The following RABGAP1L variants were observed in gnomAD, a reference collection of about 807,000 sequenced individuals.
The protein encoded by RABGAP1L is rab GTPase-activating protein 1-like.
A neutral mutation model predicts 137.7 loss-of-function variants in RABGAP1L; 63 were observed. That is an observed-to-expected ratio of 0.46 (90% CI 0.37 to 0.56). The LOEUF (loss-of-function observed/expected upper bound fraction) is 0.56, where lower values mean the gene tolerates loss of function less well. Ranked by LOEUF, RABGAP1L falls within the 20% of genes least tolerant of loss-of-function variation. The pLI is 0.00. For synonymous variants in RABGAP1L, 431 were observed against 433.7 expected (o/e 0.99, Z 0.08); for missense variants, 1,095 against 1,244.0 (o/e 0.88, Z 1.80).
chr1:174,890,576 G>T (rs1655959655), intron 19 of RABGAP1L, among the ~76,000 whole-genome samples: 1 of 152,144 alleles, frequency 6.6e-6, no homozygotes, highest in Non-Finnish European at 1.5e-5. Flanking sequence ...CACAGTATCA[G>T]AATTTCAACA....
At chr1:174,588,533 AATAG>A (rs1669303337) in intron 13 of RABGAP1L, among the ~76,000 whole-genome samples, 1 of 152,146 alleles carries the variant, frequency 6.6e-6, no homozygotes, top group Non-Finnish European at 1.5e-5. Context: ...CCTGTCAAAT[AATAG>A]ATCTTATTCA....
chr1:174,522,899 T>TTCCATCACCTCCCAC (rs1238393608), intron 13 of RABGAP1L, among the ~76,000 whole-genome samples: 19 of 152,204 alleles, frequency 1.2e-4, no homozygotes, highest in African/African-American at 3.9e-4. Flanking sequence ...TCTGCTCCCA[T>TTCCATCACCTCCCAC]GATTCCATCA....
chr1:174,515,876 T>C (rs1662778775), intron 13 of RABGAP1L, among the ~76,000 whole-genome samples: 1 of 143,842 alleles, frequency 7.0e-6, no homozygotes, highest in South Asian at 2.1e-4. Flanking sequence ...GAATGAGCAC[T>C]CTATCTTAAG....
chr1:174,307,391 C>A (rs1021028488), intron 11 of RABGAP1L, among the ~76,000 whole-genome samples: 1 of 152,130 alleles, frequency 6.6e-6, no homozygotes, highest in Non-Finnish European at 1.5e-5. Context: ...ACCATCACCT[C>A]TATCTAGTTC....
chr1:174,666,747 T>A (rs1676813651), intron 14 of RABGAP1L, among the ~76,000 whole-genome samples: 1 of 152,184 alleles, frequency 6.6e-6, no homozygotes, highest in South Asian at 2.1e-4. Context: ...TACCATCCTG[T>A]ATTTCTTATA....
At chr1:174,654,375 A>C (rs1675803402) in intron 14 of RABGAP1L, among the ~76,000 whole-genome samples, 1 of 152,198 alleles carries the variant, frequency 6.6e-6, no homozygotes, top group African/African-American at 2.4e-5. Context: ...TGAAAATTTA[A>C]TGCATATAAA....
chr1:174,255,559 C>T (rs1673054349), intron 7 of RABGAP1L, among the ~76,000 whole-genome samples: 1 of 152,212 alleles, frequency 6.6e-6, no homozygotes, highest in African/African-American at 2.4e-5. Flanking sequence ...AAGTCTCGCT[C>T]TGTCAGCCAG....
At chr1:174,833,422 GTA>G (rs1491011651) in intron 19 of RABGAP1L, among the ~76,000 whole-genome samples, 26 of 81,524 alleles carry the variant, frequency 3.2e-4, no homozygotes, top group Admixed American at 1.7e-3. Context: ...GTGTGTGTGT[GTA>G]TATATATATG....
intron 13 of RABGAP1L, among the ~76,000 whole-genome samples, chr1:174,599,175 C>G (rs1670227847): frequency 6.6e-6 from 1 of 152,210 alleles, no homozygotes; most frequent in South Asian, 2.1e-4. Flanking sequence ...CTAATGACAA[C>G]TTAACACTGC....
At chr1:174,272,334 T>C (rs1204411331) in intron 7 of RABGAP1L, 80 bp from the exon 8 acceptor site, 2 of 1,442,886 alleles carry the variant, frequency 1.4e-6, no homozygotes, top group African/African-American at 3.0e-5. Context: ...GTATAGTTAT[T>C]GTAAAAAGGC....
At chr1:174,425,612 T>C (rs10753085) in intron 13 of RABGAP1L, among the ~76,000 whole-genome samples, 147,619 of 152,150 alleles carry the variant, frequency 0.97, 71,660 homozygotes, top group East Asian at 1. Context: ...TTTTATAAAA[T>C]CGGATAAGTA....
rs547680722 is a variant in RABGAP1L, at chr1:174,877,301, A to C, written c.2340+65341A>C. The C allele has an allele frequency of 1.5e-5, 16 of 1,041,676 alleles. 1 individual carries two copies. In the South Asian group the frequency reaches 1.8e-4, roughly 12 times the overall value. The allele number at this position is 1,041,676 out of a possible 1,614,324, so 64.5% of individuals were successfully genotyped here. A position where few individuals can be genotyped will look rare whatever the true frequency, so the allele number is the denominator to read the frequency against. ...TCTTTTAGTTTCCTACTGGGGGTGA[A>C]TTGCTAGCCAAGCCTGTGATAGCAG... On this transcript the variant is annotated intron_variant, in intron 19 of 25. Transcript: ENST00000681986.
intron 13 of RABGAP1L, among the ~76,000 whole-genome samples, chr1:174,555,611 C>A (rs890470463): frequency 6.6e-6 from 1 of 151,808 alleles, no homozygotes; most frequent in Admixed American, 6.6e-5. Context: ...CATAGAAAGA[C>A]TAATAATTCA....
At chr1:174,849,694 G>T (rs1425146564) in intron 19 of RABGAP1L, 6 of 436,022 alleles carry the variant, frequency 1.4e-5, no homozygotes, top group Non-Finnish European at 2.7e-5. Context: ...TTGCTTTCTT[G>T]TCTTCAGGAG....
chr1:174,925,071 A>G (rs1328103506), intron 19 of RABGAP1L, among the ~76,000 whole-genome samples: 1 of 152,072 alleles, frequency 6.6e-6, no homozygotes, highest in Non-Finnish European at 1.5e-5. Flanking sequence ...CAAAAGAGAA[A>G]AGACAGCGGG....
chr1:174,543,382 T>G (rs1031621247), intron 13 of RABGAP1L, among the ~76,000 whole-genome samples: 2 of 152,194 alleles, frequency 1.3e-5, no homozygotes, highest in Non-Finnish European at 2.9e-5. Flanking sequence ...CTTTGTTGGT[T>G]TAAAGTCTGT....
intron 19 of RABGAP1L, among the ~76,000 whole-genome samples, chr1:174,885,770 A>G (rs1453216385): frequency 6.6e-6 from 1 of 151,946 alleles, no homozygotes; most frequent in African/African-American, 2.4e-5. Flanking sequence ...GATCGAGACC[A>G]TCTTGGCTAA....
chr1:174,319,660 A>G (rs1679759778), intron 11 of RABGAP1L, among the ~76,000 whole-genome samples: 1 of 152,154 alleles, frequency 6.6e-6, no homozygotes, highest in Admixed American at 6.5e-5. Flanking sequence ...CTTACTATTA[A>G]CATGAAGATG....
intron 19 of RABGAP1L, among the ~76,000 whole-genome samples, chr1:174,853,640 A>G (rs2148994641): frequency 6.6e-6 from 1 of 152,300 alleles, no homozygotes; most frequent in East Asian, 1.9e-4. Context: ...CTGAGACAGG[A>G]GAATTGCTTG....
Sources: gnomAD v4.1 joint callset for allele counts (sites outside exome capture counted in the v4.1 genomes callset) on GRCh38, gnomAD v4.1.1 for gene constraint, MANE v1.5 for transcripts, NCBI Gene and HGNC (gene_info 2026-07-23, HGNC 2026-07-21) for gene names.